The following POU2F2 variants were observed in gnomAD, a reference collection of about 807,000 sequenced individuals.
POU2F2 encodes POU class 2 homeobox 2, also known as POU domain, class 2, transcription factor 2.
In POU2F2, 14 loss-of-function variants were observed where a neutral mutation model predicts 63.5. The ratio of observed to expected loss-of-function variants is 0.22; its 90% CI spans 0.15 to 0.34. The LOEUF (loss-of-function observed/expected upper bound fraction) is 0.34, where lower values mean the gene tolerates loss of function less well. Ranked by LOEUF, POU2F2 falls within the 10% of genes least tolerant of loss-of-function variation. POU2F2 has a pLI of 1.00. For synonymous variants in POU2F2, 306 were observed against 348.6 expected, an observed-to-expected ratio of 0.88 and a Z score of 1.36; for missense variants, 607 against 815.2, an observed-to-expected ratio of 0.74 and a Z score of 3.11.
chr19:42,188,450 C>A, intron 1 of POU2F2, among the ~76,000 whole-genome samples: 1 of 151,368 alleles, frequency 6.6e-6, no homozygotes, highest in Non-Finnish European at 1.5e-5. Context: ...GTGGGTGGAT[C>A]ACCTGAGGTC....
chr19:42,127,288 ATGGGC>A (rs1329890989), intron 1 of POU2F2, among the ~76,000 whole-genome samples: 1 of 151,926 alleles, frequency 6.6e-6, no homozygotes, highest in Non-Finnish European at 1.5e-5. Flanking sequence ...AGGCCTTGGC[ATGGGC>A]TGTTCCCTCT....
In POU2F2 at chr19:42,122,100, C is replaced by T. The variant is rs764386343; in HGVS notation, c.186+26G>A. The T allele has an allele frequency of 3.3e-5, 53 of 1,598,316 alleles. 1 individual carries two copies. The Admixed American group carries it at 4.2e-4, about 13-fold the overall frequency. On this transcript the variant is annotated intron_variant, in intron 4 of 14. Transcript: ENST00000692977. ...ACCCTCTTCCAAGCGCTGCCCACTTCCCTGGCTGTTCTGACAGGTGCTTAC... is the reference window on the plus strand; with the variant it reads ...ACCCTCTTCCAAGCGCTGCCCACTTTCCTGGCTGTTCTGACAGGTGCTTAC...
chr19:42,150,806 G>T (rs936648383), intron 2 of POU2F2, among the ~76,000 whole-genome samples: 9 of 152,152 alleles, frequency 5.9e-5, no homozygotes, highest in South Asian at 4.1e-4. Context: ...CAGGCCGGGT[G>T]GGGGTGGGGT....
In POU2F2 at chr19:42,155,065, TG is replaced by T. The variant is rs1020583980; in HGVS notation, c.-9+5266del. Among the ~76,000 whole-genome samples the T allele has an allele frequency of 6.6e-5, 10 of 152,306 alleles. No individual in the cohort carries two copies. Among genetic ancestry groups the T allele is most frequent in the African/African-American group, 2.4e-4 (10 of 41,568 alleles). ...CGTACTCTGCCAGGCATGGCCAGCC[TG>T]GGGGGTGGGGGGCCAGGTGTGAGGT... On this transcript the variant is annotated intron_variant, in intron 2 of 6. Coordinates refer to the POU2F2 transcript ENST00000524801. The surrounding 1 kb of genome is among the most constrained non-coding windows in gnomAD (Gnocchi z 4.2).
intron 7 of POU2F2, among the ~76,000 whole-genome samples, chr19:42,098,999 G>C (rs1469045363): frequency 2.0e-5 from 3 of 152,212 alleles, no homozygotes; most frequent in Admixed American, 2.0e-4. Flanking sequence ...AGATTTTCTG[G>C]TTTATCAAGA....
At position 42,152,412 on chromosome 19, in the gene POU2F2, C is replaced by A. The variant is rs1268997185; in HGVS notation, c.-9+7920G>T. On this transcript the variant is annotated intron_variant, in intron 2 of 6. Transcript: ENST00000524801. The surrounding 1 kb of genome is among the most constrained non-coding windows in gnomAD (Gnocchi z 4.1). ...CCGAGGACTATAGGGGTCCCGGCTG[C>A]CCTCCCCCAAACCTCCCCTCCCTTC... Among the ~76,000 whole-genome samples, 3 of 151,926 alleles carry A rather than the reference C, an allele frequency of 2.0e-5. No homozygotes were observed. The highest frequency in any genetic ancestry group is 4.4e-5 in the Non-Finnish European group (3 of 67,976).
intron 1 of POU2F2, among the ~76,000 whole-genome samples, chr19:42,195,010 AGAG>A (rs2035118824): frequency 2.0e-5 from 1 of 50,894 alleles, no homozygotes; most frequent in African/African-American, 8.0e-5. Flanking sequence ...AGGGAGGGAG[AGAG>A]GGAGGGAGGG....
intron 1 of POU2F2, among the ~76,000 whole-genome samples, chr19:42,192,376 TC>T (rs1456703225): frequency 6.6e-6 from 1 of 152,102 alleles, no homozygotes; most frequent in Non-Finnish European, 1.5e-5. Flanking sequence ...CCCTCTTACA[TC>T]CCTTTGAGAT....
chr19:42,175,958 C>G (rs548528205), intron 1 of POU2F2: 1 of 151,320 alleles, frequency 6.6e-6, no homozygotes, highest in Non-Finnish European at 1.5e-5. Flanking sequence ...CCTGTGCCCT[C>G]TTACCTCTCC....
At chr19:42,122,021 G>A (rs1196174621) in intron 4 of POU2F2, 105 bp downstream of exon 4, 9 of 1,223,710 alleles carry the variant, frequency 7.4e-6, no homozygotes, top group African/African-American at 3.0e-5. Context: ...TCGTTACCAA[G>A]GTACCAAGGC....
rs1017805464 is a variant in POU2F2, at chr19:42,161,639, G to A, written c.-69-1247C>T. Among the ~76,000 whole-genome samples the A allele has an allele frequency of 2.8e-4, 43 of 151,942 alleles. 1 individual carries two copies. Among genetic ancestry groups the A allele is most frequent in the African/African-American group, 2.4e-5 (1 of 41,354 alleles). ...ATAGACAGAGAGGAATGAAGGGAGC[G>A]GGGGCAAAGAGACCAGGGAAAAGCC... On this transcript the variant is annotated intron_variant, in intron 1 of 6. Transcript: ENST00000524801.
chr19:42,143,812 T>C (rs1343934987), intron 2 of POU2F2, among the ~76,000 whole-genome samples: 1 of 152,164 alleles, frequency 6.6e-6, no homozygotes, highest in African/African-American at 2.4e-5. Context: ...GCTCGTCCCC[T>C]TACTTACTCC....
rs2076926770 is a variant in POU2F2, at chr19:42,096,482, T to A, written c.568-239A>T. On this transcript the variant is annotated intron_variant, in intron 7 of 14. Coordinates refer to ENST00000692977, the MANE Select transcript of POU2F2 (RefSeq NM_001394376.1). The surrounding 1 kb of genome is among the most constrained non-coding windows in gnomAD (Gnocchi z 4.1). ...CATGGGTTTCCTCATTGCCTGGGAC[T>A]CTCTGCACTGTCCCTTCACGCCTGC... is the stretch of plus-strand genomic sequence containing the variant. 6.6e-6 allele frequency among the ~76,000 whole-genome samples: 1 copy of A among 152,244 alleles called. No homozygotes were observed. Among genetic ancestry groups the A allele is most frequent in the Admixed American group, 6.5e-5 (1 of 15,288 alleles).
chr19:42,097,317 C>A (rs2076959109), intron 7 of POU2F2, among the ~76,000 whole-genome samples: 1 of 151,684 alleles, frequency 6.6e-6, no homozygotes, highest in African/African-American at 2.4e-5. Flanking sequence ...CCTGCCTCAG[C>A]CTCCCGAGTA....
chr19:42,154,698 AGAGACTCT>A (rs1387204908), intron 2 of POU2F2, among the ~76,000 whole-genome samples: 1 of 152,144 alleles, frequency 6.6e-6, no homozygotes, highest in Non-Finnish European at 1.5e-5. Context: ...GTAACCCACT[AGAGACTCT>A]GAGATGGCAA....
intron 2 of POU2F2, among the ~76,000 whole-genome samples, chr19:42,145,681 T>C (rs1252603443): frequency 6.6e-6 from 1 of 152,156 alleles, no homozygotes; most frequent in East Asian, 1.9e-4. Context: ...ATGCCTGTAA[T>C]CCCAGCACTC....
intron 2 of POU2F2, among the ~76,000 whole-genome samples, chr19:42,146,120 C>A (rs1055322461): frequency 6.6e-6 from 1 of 151,852 alleles, no homozygotes; most frequent in Non-Finnish European, 1.5e-5. Flanking sequence ...TATTTAGAAG[C>A]ATTTTCTCAC....
upstream of POU2F2, among the ~76,000 whole-genome samples, chr19:42,133,707 G>A (rs917515729): frequency 1.3e-5 from 2 of 152,096 alleles, no homozygotes; most frequent in African/African-American, 4.8e-5. This position sits in a 1 kb window ranked among gnomAD's most constrained non-coding sequence, Gnocchi z 5.1. Flanking sequence ...CCCTGCTGAC[G>A]ATGGTCACTC....
rs143644356 is a variant in POU2F2, at chr19:42,101,083, G to A, written c.370-1262C>T. On this transcript the variant is annotated intron_variant, in intron 5 of 14. Transcript: ENST00000692977. ...ACTGTGTCTCTGCACTGCAGCCTGG[G>A]TGACAGAGCAAGACTCTGTCTCAAA... is the stretch of plus-strand genomic sequence containing the variant. Among the ~76,000 whole-genome samples the A allele has an allele frequency of 5.1e-4, 78 of 152,290 alleles. No individual in the cohort carries two copies. In the East Asian group the frequency reaches 0.015, roughly 29 times the overall value.
Sources: gnomAD v4.1 joint callset for allele counts (sites outside exome capture counted in the v4.1 genomes callset) on GRCh38, gnomAD v4.1.1 for gene constraint, Gnocchi (gnomAD v3.1) non-coding constraint, MANE v1.5 for transcripts, NCBI Gene and HGNC (gene_info 2026-07-23, HGNC 2026-07-21) for gene names.